Variants in OPRM1 observed in about 807,000 individuals in gnomAD.
OPRM1 encodes mu-type opioid receptor.
OPRM1 carries 27 observed loss-of-function variants against 31.8 expected under a neutral mutation model. The observed-to-expected ratio is 0.85, with a 90% CI of 0.63 to 1.17. The LOEUF (loss-of-function observed/expected upper bound fraction) is 1.17, where lower values mean the gene tolerates loss of function less well. OPRM1 is among the 50% of genes most tolerant of loss of function. OPRM1 has a pLI of 0.00. For missense variants in OPRM1, 536 were observed against 511.1 expected (o/e 1.05, Z -0.47); for synonymous variants, 196 against 189.9 (o/e 1.03, Z -0.26).
chr6:154,162,985 G>A (rs926299464), intron 3 of OPRM1, among the ~76,000 whole-genome samples: 3 of 152,110 alleles, frequency 2.0e-5, no homozygotes, highest in East Asian at 1.9e-4. Context: ...TGGTAACTCC[G>A]TCTTTCCAGT....
At chr6:154,076,845 C>T (rs1043970255) in intron 1 of OPRM1, among the ~76,000 whole-genome samples, 2 of 152,192 alleles carry the variant, frequency 1.3e-5, no homozygotes, top group Non-Finnish European at 1.5e-5. Context: ...TTCATTGATA[C>T]TTCCGGGTTT....
At chr6:154,194,338 GC>G (rs1478094430) in intron 3 of OPRM1, among the ~76,000 whole-genome samples, 1 of 152,130 alleles carries the variant, frequency 6.6e-6, no homozygotes, top group Non-Finnish European at 1.5e-5. Context: ...GGCAGAGGTT[GC>G]CGTGAGCTGA....
chr6:154,108,684 G>A (rs1221723755), intron 3 of OPRM1: 5 of 559,398 alleles, frequency 8.9e-6, no homozygotes, highest in Admixed American at 6.4e-5. Flanking sequence ...AGCCAAGAGG[G>A]ACTTTAACGA....
intron 3 of OPRM1, among the ~76,000 whole-genome samples, chr6:154,206,767 G>C (rs937388008): frequency 5.3e-5 from 8 of 152,234 alleles, no homozygotes; most frequent in Admixed American, 3.9e-4. Flanking sequence ...GTGGGAGTCA[G>C]GGGCAAGTGG....
intron 3 of OPRM1, among the ~76,000 whole-genome samples, chr6:154,196,247 T>G (rs1194296436): frequency 1.3e-5 from 2 of 152,246 alleles, no homozygotes; most frequent in East Asian, 1.9e-4. Context: ...GGAGGCATAC[T>G]GCATGATTCC....
chr6:154,214,119 G>A, intron 3 of OPRM1: 1 of 811,356 alleles, frequency 1.2e-6, no homozygotes, highest in Non-Finnish European at 2.2e-6. Flanking sequence ...TGTTTCCTCA[G>A]GATCAGACTA....
intron 3 of OPRM1, among the ~76,000 whole-genome samples, chr6:154,163,796 C>G (rs1442053372): frequency 6.6e-6 from 1 of 152,056 alleles, no homozygotes; most frequent in African/African-American, 2.4e-5. Flanking sequence ...AACAAAAAAA[C>G]TAGACATAGA....
chr6:154,073,493 T>C (rs1485743068), intron 1 of OPRM1: 2 of 152,220 alleles, frequency 1.3e-5, no homozygotes, highest in African/African-American at 4.8e-5. Context: ...ACTCAGGAGC[T>C]AATTCTAACC....
At chr6:154,212,825 G>A in intron 3 of OPRM1, 1 of 1,613,372 alleles carries the variant, frequency 6.2e-7, no homozygotes, top group Non-Finnish European at 8.5e-7. Flanking sequence ...AGCTATTTCT[G>A]GATCTTCCTG....
At chr6:154,195,363 G>A (rs1020499876) in intron 3 of OPRM1, among the ~76,000 whole-genome samples, 7 of 151,968 alleles carry the variant, frequency 4.6e-5, no homozygotes, top group Admixed American at 3.9e-4. Flanking sequence ...TAGCCAGGAT[G>A]GTCTCGATCT....
At position 154,119,449 on chromosome 6, in the gene OPRM1, G is replaced by T. The variant is rs1303316047; in HGVS notation, c.*728G>T. ...GATTTTTCATTCTTAGGCTTTCAGTGGTTTGTTCCTCAGTTTTAAATGTGC... is the reference window on the plus strand; with the variant it reads ...GATTTTTCATTCTTAGGCTTTCAGTTGTTTGTTCCTCAGTTTTAAATGTGC... On this transcript the variant is annotated 3_prime_UTR_variant, in exon 4 of 4. Transcript: ENST00000330432. 7 of 985,236 alleles carry T rather than the reference G, an allele frequency of 7.1e-6. No homozygotes were observed. In the African/African-American group the frequency reaches 1.2e-4, roughly 17 times the overall value. The allele number at this position is 985,236 out of a possible 1,614,324, so 61.0% of individuals were successfully genotyped here.
rs1485371479 is a variant in OPRM1, at chr6:154,090,943, T to C, written c.644-9T>C. 1.1e-5 allele frequency: 17 copies of C among 1,598,446 alleles called. No homozygotes were observed. Among genetic ancestry groups the C allele is most frequent in the Middle Eastern group, 3.4e-4 (2 of 5,962 alleles). On this transcript the variant is annotated splice_polypyrimidine_tract_variant and intron_variant, in intron 2 of 3. Transcript: ENST00000330432. ...CTGCTAATTTTTCCTTTAAATTCCT[T>C]TCTTCTAGGTTCCATAGATTGTACA...
At chr6:154,224,687 G>A (rs1192094271) in intron 3 of OPRM1, among the ~76,000 whole-genome samples, 1 of 152,010 alleles carries the variant, frequency 6.6e-6, no homozygotes, top group East Asian at 1.9e-4. Flanking sequence ...CTCCAGTCTG[G>A]ACAACAGAGT....
chr6:154,039,901 A>G (rs1779699044), intron 1 of OPRM1, 67 bp downstream of exon 1: 1 of 1,405,050 alleles, frequency 7.1e-7, no homozygotes, highest in Middle Eastern at 2.0e-4. Flanking sequence ...GAGACACCTA[A>G]CTCCCAAGGC....
At chr6:154,152,185 AAGAGAGAG>A (rs71021027) in intron 3 of OPRM1, among the ~76,000 whole-genome samples, 7 of 144,008 alleles carry the variant, frequency 4.9e-5, no homozygotes, top group Admixed American at 6.9e-5. Context: ...AAAAAAAAGA[AAGAGAGAG>A]AGAGAGAGAA....
intron 3 of OPRM1, among the ~76,000 whole-genome samples, chr6:154,234,828 C>A (rs1293562802): frequency 6.6e-6 from 1 of 152,126 alleles, no homozygotes; most frequent in African/African-American, 2.4e-5. Context: ...TAGTAATTAC[C>A]TTCTGAAATG....
At chr6:154,207,780 A>T (rs958937098) in intron 3 of OPRM1, among the ~76,000 whole-genome samples, 2 of 152,074 alleles carry the variant, frequency 1.3e-5, no homozygotes, top group African/African-American at 4.8e-5. Flanking sequence ...TTCAATATTT[A>T]AAAAACTACT....
intron 3 of OPRM1, among the ~76,000 whole-genome samples, chr6:154,221,923 C>T (rs916538804): frequency 6.6e-6 from 1 of 152,118 alleles, no homozygotes; most frequent in Non-Finnish European, 1.5e-5. Context: ...ATATCCTCTT[C>T]CTTTCACTTG....
exon 4 of OPRM1, chr6:154,246,816 G>A (rs368831452): frequency 2.6e-6 from 4 of 1,544,596 alleles, no homozygotes; most frequent in Admixed American, 1.9e-5. Context: ...GGTAGGTAAA[G>A]TATTATCCTG....
Sources: gnomAD v4.1 joint callset for allele counts (sites outside exome capture counted in the v4.1 genomes callset) on GRCh38, gnomAD v4.1.1 for gene constraint, MANE v1.5 for transcripts, NCBI Gene and HGNC (gene_info 2026-07-23, HGNC 2026-07-21) for gene names.